Variants in DNAH5 observed in about 807,000 individuals in gnomAD.
DNAH5 encodes dynein axonemal heavy chain 5.
Under a neutral mutation model 518.2 loss-of-function variants are expected in DNAH5, and 372 were observed. The observed-to-expected ratio is 0.72, with a 90% CI of 0.66 to 0.78. The LOEUF (loss-of-function observed/expected upper bound fraction) is 0.78, where lower values mean the gene tolerates loss of function less well. DNAH5 is among the 30% of genes least tolerant of loss of function. DNAH5 has a pLI of 0.00. For synonymous variants in DNAH5, 2,039 were observed against 2,025.9 expected (o/e 1.01, Z -0.17); for missense variants, 5,523 against 5,687.0 (o/e 0.97, Z 0.93).
chr5:13,721,376 G>A, intron 70 of DNAH5, 131 bp from the exon 71 acceptor site: 1 of 1,037,314 alleles, frequency 9.6e-7, no homozygotes, highest in South Asian at 1.4e-5. Context: ...AGGCAAACAG[G>A]GTAGAGACTG....
intron 68 of DNAH5, among the ~76,000 whole-genome samples, chr5:13,732,139 T>A (rs78889942): frequency 2.4e-4 from 33 of 135,584 alleles, no homozygotes; most frequent in Non-Finnish European, 3.8e-4. Context: ...AAAAAAAAAA[T>A]GGAAATCTGT....
chr5:13,727,725 T>C (rs1561123178), intron 69 of DNAH5, 69 bp from the exon 70 acceptor site: 5 of 1,571,186 alleles, frequency 3.2e-6, no homozygotes, highest in Non-Finnish European at 4.4e-6. Flanking sequence ...GTCATAGATA[T>C]GTTTCATCAA....
chr5:13,850,395 G>A (rs527632536), intron 31 of DNAH5, among the ~76,000 whole-genome samples: 2 of 152,286 alleles, frequency 1.3e-5, no homozygotes, highest in Admixed American at 1.3e-4. Flanking sequence ...TTAAAGCAGG[G>A]ACTGTATGAG....
chr5:13,781,836 A>C (rs539203859), intron 52 of DNAH5, among the ~76,000 whole-genome samples: 98 of 152,276 alleles, frequency 6.4e-4, no homozygotes, highest in African/African-American at 2.1e-3. Flanking sequence ...AAAGAAAATG[A>C]GCATAAACAC....
chr5:13,901,688 AAAAG>A (rs1272750724), intron 13 of DNAH5, 115 bp from the exon 14 acceptor site: 11 of 686,194 alleles, frequency 1.6e-5, no homozygotes, highest in Non-Finnish European at 2.0e-5. Context: ...ATGCTAATGG[AAAAG>A]AATGAGATAT....
intron 1 of DNAH5, among the ~76,000 whole-genome samples, chr5:13,977,284 T>C (rs1220952055): frequency 6.6e-6 from 1 of 152,134 alleles, no homozygotes; most frequent in African/African-American, 2.4e-5. Context: ...GCCCAGGACA[T>C]CTCCCAGGTT....
rs1325575729 is a variant in DNAH5, at chr5:13,885,240, TGAAAGA to T, written c.2744-18_2744-13del. 2 of 1,613,612 alleles carry T rather than the reference TGAAAGA, an allele frequency of 1.2e-6. No homozygotes were observed. The highest frequency in any genetic ancestry group is 1.1e-5 in the South Asian group (1 of 90,934). On this transcript the variant is annotated splice_polypyrimidine_tract_variant and intron_variant, in intron 18 of 78. Coordinates refer to ENST00000265104, the MANE Select transcript of DNAH5 (RefSeq NM_001369.3). ...TTCTTCTCTTTTTGCTGTTACAAGA[TGAAAGA>T]GATAGAGATAGAGATAAGTTAGATG...
chr5:13,908,596 G>T (rs1775634127), intron 12 of DNAH5, among the ~76,000 whole-genome samples: 2 of 152,158 alleles, frequency 1.3e-5, no homozygotes, highest in South Asian at 4.1e-4. Flanking sequence ...TGGGGTCTCA[G>T]CTCCTACTCA....
chr5:13,699,218 T>C (rs1741755014), intron 78 of DNAH5, among the ~76,000 whole-genome samples: 2 of 152,210 alleles, frequency 1.3e-5, no homozygotes, highest in South Asian at 4.1e-4. Flanking sequence ...CCTAAACTCC[T>C]AGACACCTTT....
intron 60 of DNAH5, 117 bp downstream of exon 60, chr5:13,762,605 G>A (rs1751935292): frequency 1.1e-6 from 1 of 869,880 alleles, no homozygotes; most frequent in East Asian, 2.5e-5. Flanking sequence ...CTCTCCCCAT[G>A]GACCTGAGTA....
intron 47 of DNAH5, among the ~76,000 whole-genome samples, chr5:13,802,662 T>C (rs76923326): frequency 0.17 from 26,001 of 152,212 alleles, 2,288 homozygotes; most frequent in Admixed American, 0.21. Context: ...GGAAGGATCA[T>C]GTGCAGCTGA....
chr5:13,905,648 AACTCT>A (rs1246584407), intron 12 of DNAH5, among the ~76,000 whole-genome samples: 1 of 152,186 alleles, frequency 6.6e-6, no homozygotes, highest in African/African-American at 2.4e-5. Flanking sequence ...GAGCAACAAG[AACTCT>A]ACTCTAATTC....
At position 13,922,300 on chromosome 5, in the gene DNAH5, G is replaced by A; in HGVS notation, c.467C>T (p.Ala156Val). The part of the protein sequence containing the change: ...QEVSFNMLDA[A>V]DGGLLNSVRR... ...CACACTGTTGAGCAGGCCTCCATCT[G>A]CCGCATCTAACATGTTAAAACTCAC... Residue 156 changes from alanine to valine, a missense_variant, in exon 5 of 79, where the codon GCA (alanine) becomes GTA (valine). Ala to Val is a moderately conservative substitution (Grantham distance 64). Transcript: ENST00000265104. 1 of 1,614,012 alleles carries A rather than the reference G, an allele frequency of 6.2e-7. No homozygotes were observed. Among genetic ancestry groups the A allele is most frequent in the Non-Finnish European group, 8.5e-7 (1 of 1,179,962 alleles).
At chr5:13,985,119 T>C (rs1234759664) in intron 1 of DNAH5, among the ~76,000 whole-genome samples, 1 of 152,068 alleles carries the variant, frequency 6.6e-6, no homozygotes, top group Non-Finnish European at 1.5e-5. Flanking sequence ...TGAGTTCGTG[T>C]CCTTTGTAGG....
At chr5:14,007,856 GA>G (rs1408784005) in intron 1 of DNAH5, among the ~76,000 whole-genome samples, 1 of 151,996 alleles carries the variant, frequency 6.6e-6, no homozygotes, top group African/African-American at 2.4e-5. Flanking sequence ...AGGGGAATTT[GA>G]AAAAAAGGTC....
intron 1 of DNAH5, among the ~76,000 whole-genome samples, chr5:13,976,722 CAT>C (rs1561032259): frequency 7.6e-6 from 1 of 131,454 alleles, no homozygotes. Flanking sequence ...CACACACACA[CAT>C]ACACACACAC....
At chr5:13,765,832 G>T in intron 59 of DNAH5, 144 bp downstream of exon 59, 1 of 903,260 alleles carries the variant, frequency 1.1e-6, no homozygotes, top group Non-Finnish European at 1.8e-6. Context: ...TGCTTATAAT[G>T]TTTTATATTT....
chr5:13,882,640 G>A, intron 21 of DNAH5, 88 bp downstream of exon 21: 1 of 1,012,150 alleles, frequency 9.9e-7, no homozygotes, highest in Non-Finnish European at 1.5e-6. Context: ...AAAATAAATT[G>A]AGAATTACAT....
At chr5:13,782,051 T>C (rs549690005) in intron 52 of DNAH5, among the ~76,000 whole-genome samples, 26 of 152,170 alleles carry the variant, frequency 1.7e-4, no homozygotes, top group Non-Finnish European at 3.7e-4. Flanking sequence ...CTAGGAGAGA[T>C]GGGAATAAAA....
Sources: gnomAD v4.1 joint callset for allele counts (sites outside exome capture counted in the v4.1 genomes callset) on GRCh38, gnomAD v4.1.1 for gene constraint, MANE v1.5 for transcripts, NCBI Gene and HGNC (gene_info 2026-07-23, HGNC 2026-07-21) for gene names.